Variants in DGKB observed in about 807,000 individuals in gnomAD.
The protein encoded by DGKB is 90 kDa diacylglycerol kinase.
DGKB carries 67 observed loss-of-function variants against 114.3 expected under a neutral mutation model. The ratio of observed to expected loss-of-function variants is 0.59; its 90% CI spans 0.48 to 0.72. The LOEUF is 0.72. DGKB is among the 30% of genes least tolerant of loss of function. DGKB has a pLI of 0.00. For synonymous variants in DGKB, 398 were observed against 323.1 expected (o/e 1.23, Z -2.49); for missense variants, 907 against 975.2 (o/e 0.93, Z 0.93).
intron 15 of DGKB, among the ~76,000 whole-genome samples, chr7:14,617,842 T>A (rs1486081665): frequency 2.0e-5 from 3 of 151,556 alleles, no homozygotes; most frequent in African/African-American, 7.2e-5. Flanking sequence ...TTTACCCAAA[T>A]ATCACTTTAT....
chr7:14,385,021 C>T (rs574274814), intron 21 of DGKB, among the ~76,000 whole-genome samples: 59 of 151,314 alleles, frequency 3.9e-4, no homozygotes, highest in African/African-American at 1.3e-3. Context: ...TTGTGGCATT[C>T]GGTAAAAATA....
At position 14,749,864 on chromosome 7, in the gene DGKB, G is replaced by A. The variant is rs1833863501; in HGVS notation, c.168+4064C>T. 2.0e-5 allele frequency among the ~76,000 whole-genome samples: 3 copies of A among 152,208 alleles called. No homozygotes were observed. The South Asian group carries it at 6.2e-4, about 32-fold the overall frequency. ...CCTTACTTGTATGTTCACTTTTAAAGAAAATCTCCACAGGGGGTTTTTATA... is the reference window on the plus strand; with the variant it reads ...CCTTACTTGTATGTTCACTTTTAAAAAAAATCTCCACAGGGGGTTTTTATA... On this transcript the variant is annotated intron_variant, in intron 4 of 25. Transcript: ENST00000402815.
At chr7:14,153,865 A>G (rs1234748016) in intron 25 of DGKB, among the ~76,000 whole-genome samples, 1 of 152,074 alleles carries the variant, frequency 6.6e-6, no homozygotes, top group East Asian at 1.9e-4. Flanking sequence ...CCCAGAGGAA[A>G]AGTTAATTTT....
chr7:14,581,415 G>A (rs1299535285), intron 18 of DGKB, among the ~76,000 whole-genome samples: 1 of 152,188 alleles, frequency 6.6e-6, no homozygotes, highest in Admixed American at 6.5e-5. Context: ...TTATAAAAGT[G>A]AGTAAATTGC....
rs533580055 is a variant in DGKB at position 14,940,277 on chromosome 7, C to G, written c.-188+34419G>C. On this transcript the variant is annotated intron_variant, in intron 1 of 4. Transcript: ENST00000437998. ...AGGGCATGTGACAGTTTTTTAATCT[C>G]AAAGAGGGAATGTACTTTCAGGTAA... Among the ~76,000 whole-genome samples the G allele has an allele frequency of 2.6e-5, 4 of 151,352 alleles. No individual in the cohort carries two copies. The South Asian group carries it at 8.4e-4, about 32-fold the overall frequency.
intron 21 of DGKB, among the ~76,000 whole-genome samples, chr7:14,397,714 C>A (rs557681165): frequency 1.3e-5 from 2 of 152,096 alleles, no homozygotes; most frequent in East Asian, 3.9e-4. Context: ...TGTTTGGTTA[C>A]GTTTTGTTTC....
At chr7:14,695,934 C>A (rs1322589157) in intron 8 of DGKB, among the ~76,000 whole-genome samples, 1 of 152,158 alleles carries the variant, frequency 6.6e-6, no homozygotes, top group Non-Finnish European at 1.5e-5. Context: ...ACATAATGTA[C>A]AACTTTGTAC....
chr7:14,580,956 A>C lies in DGKB; in HGVS notation c.1520-5T>G. 6.3e-7 allele frequency: 1 copy of C among 1,579,178 alleles called. No homozygotes were observed. On this transcript the variant is annotated splice_polypyrimidine_tract_variant and splice_region_variant and intron_variant, in intron 18 of 25. Transcript: ENST00000402815. ...GCTTGCCTACATTGGCCTTTTCTGC[A>C]GAATAAAAAAAAATACAAATAAAGA...
intron 20 of DGKB, among the ~76,000 whole-genome samples, chr7:14,502,963 G>T (rs560966205): frequency 2.4e-4 from 37 of 151,952 alleles, no homozygotes; most frequent in Non-Finnish European, 2.9e-4. Context: ...CAGAAAACTG[G>T]AATCAACAAA....
At chr7:14,169,459 A>G (rs1780517293) in intron 25 of DGKB, among the ~76,000 whole-genome samples, 1 of 152,152 alleles carries the variant, frequency 6.6e-6, no homozygotes, top group Admixed American at 6.5e-5. Flanking sequence ...GGAGACCAGA[A>G]GAATGAATCT....
intron 17 of DGKB, among the ~76,000 whole-genome samples, chr7:14,601,051 T>A (rs1271872546): frequency 1.3e-5 from 2 of 152,172 alleles, no homozygotes; most frequent in African/African-American, 4.8e-5. Context: ...GACCTCTCCA[T>A]CCTTTGAAAT....
At chr7:14,358,387 T>C (rs968741718) in intron 21 of DGKB, among the ~76,000 whole-genome samples, 4 of 152,204 alleles carry the variant, frequency 2.6e-5, no homozygotes, top group Non-Finnish European at 5.9e-5. Flanking sequence ...AATCGGCTAT[T>C]GAAGCTTGTG....
chr7:14,874,275 C>T (rs1852923482), intron 1 of DGKB, among the ~76,000 whole-genome samples: 1 of 151,982 alleles, frequency 6.6e-6, no homozygotes, highest in South Asian at 2.1e-4. Flanking sequence ...GTTACTAAAC[C>T]ACACTTGAAC....
intron 1 of DGKB, among the ~76,000 whole-genome samples, chr7:14,960,708 C>G (rs560140212): frequency 1.1e-4 from 17 of 152,164 alleles, no homozygotes; most frequent in Admixed American, 1.0e-3. Flanking sequence ...TTGCTACCAA[C>G]TAAGGTCAAT....
chr7:14,798,371 G>A (rs1001217133), intron 2 of DGKB, among the ~76,000 whole-genome samples: 12 of 152,056 alleles, frequency 7.9e-5, no homozygotes, highest in Admixed American at 1.3e-4. Context: ...TATTTTGCCC[G>A]TATAACCTGT....
rs1193511046 is a variant in DGKB, at chr7:14,851,221, C to G, written c.-187-9771G>C. Among the ~76,000 whole-genome samples, 6 of 151,996 alleles carry G rather than the reference C, an allele frequency of 3.9e-5. No individual in the cohort carries two copies. The South Asian group carries it at 1.2e-3, about 31-fold the overall frequency. The stretch of plus-strand genomic sequence containing the variant: ...ATAATTGTGTTATTTTTGGACTCTG[C>G]TGACACAAAAAATCTAAAAGAAAAA... On this transcript the variant is annotated intron_variant, in intron 1 of 25. Transcript: ENST00000402815.
chr7:14,887,372 G>A (rs903733693), intron 1 of DGKB, among the ~76,000 whole-genome samples: 7 of 151,668 alleles, frequency 4.6e-5, no homozygotes, highest in African/African-American at 1.5e-4. Flanking sequence ...TTCTCTTCCT[G>A]TTCCTTCTTA....
In DGKB at chr7:14,239,329, C is replaced by T. The variant is rs1793300934; in HGVS notation, c.2123-61178G>A. 2.0e-5 allele frequency among the ~76,000 whole-genome samples: 3 copies of T among 151,894 alleles called. No homozygotes were observed. The South Asian group carries it at 6.2e-4, about 32-fold the overall frequency. On this transcript the variant is annotated intron_variant, in intron 23 of 25. Coordinates refer to ENST00000402815, the MANE Select transcript of DGKB (RefSeq NM_001350709.2). ...TTTTTAAATGTTAAAATGTATTCAG[C>T]AAAGTTTAAAGCTCATAGGTATGAT...
At chr7:14,624,523 C>T (rs547182576) in intron 14 of DGKB, among the ~76,000 whole-genome samples, 2 of 151,934 alleles carry the variant, frequency 1.3e-5, no homozygotes, top group South Asian at 4.2e-4. Flanking sequence ...GCTATGAAAC[C>T]ATCTATTAAT....
Sources: allele counts gnomAD v4.1 joint callset (sites outside exome capture counted in the v4.1 genomes callset), GRCh38; gene constraint gnomAD v4.1.1; transcripts MANE v1.5; gene names NCBI Gene and HGNC (gene_info 2026-07-23, HGNC 2026-07-21).